The following PTCD2 variants were observed in gnomAD, a reference collection of about 807,000 sequenced individuals.
PTCD2 encodes the protein pentatricopeptide repeat domain 2.
A neutral mutation model predicts 42.6 loss-of-function variants in PTCD2; 31 were observed. That is an observed-to-expected ratio of 0.73 (90% confidence interval 0.55 to 0.98). PTCD2 has a LOEUF of 0.98. Ranked by LOEUF, PTCD2 falls within the 50% of genes least tolerant of loss-of-function variation. PTCD2 has a pLI of 0.00. For synonymous variants in PTCD2, 183 were observed against 170.9 expected (o/e 1.07, Z -0.55); for missense variants, 476 against 454.8 (o/e 1.05, Z -0.42).
chr5:72,352,903 A>G (rs941694083), intron 9 of PTCD2, 149 bp downstream of exon 9: 38 of 549,084 alleles, frequency 6.9e-5, no homozygotes, highest in Non-Finnish European at 2.0e-5. Flanking sequence ...TTCCATGTAT[A>G]TGTGCAAAGA....
In PTCD2 at chr5:72,355,292, A is replaced by G. The variant is rs573550239; in HGVS notation, c.942+2538A>G. 9.2e-5 allele frequency among the ~76,000 whole-genome samples: 14 copies of G among 152,330 alleles called. No individual in the cohort carries two copies. The South Asian group carries it at 1.9e-3, about 20-fold the overall frequency. On this transcript the variant is annotated intron_variant, in intron 9 of 9. Coordinates refer to ENST00000380639, the MANE Select transcript of PTCD2 (RefSeq NM_024754.5). The stretch of plus-strand genomic sequence containing the variant: ...ACCGCAGAAAAAGACACATTGGTAG[A>G]TGATGGATAGTTTTGTTAGCTTGAC...
chr5:72,334,739 C>T (rs935315209), intron 4 of PTCD2, among the ~76,000 whole-genome samples: 11 of 152,012 alleles, frequency 7.2e-5, no homozygotes, highest in African/African-American at 1.9e-4. Context: ...TTAGTAGAGA[C>T]GGGGTTTCAC....
intron 2 of PTCD2, among the ~76,000 whole-genome samples, chr5:72,325,331 A>C (rs894083830): frequency 1.3e-5 from 2 of 152,212 alleles, no homozygotes; most frequent in Non-Finnish European, 2.9e-5. Context: ...AATAGACTAA[A>C]TCCTCTTAGA....
chr5:72,320,667 C>A, intron 1 of PTCD2, 158 bp downstream of exon 1: 1 of 966,300 alleles, frequency 1.0e-6, no homozygotes, highest in Non-Finnish European at 1.5e-6. Flanking sequence ...GCAGTGGTGA[C>A]CACTGGGGGT....
In PTCD2 at chr5:72,363,796, T is replaced by C. The variant is rs549247894; in HGVS notation, c.*5369T>C. ...AAATATATCCATTTATTTTTTCAAA[T>C]ATACATAAAGAAATCCATACAAACT... On this transcript the variant is annotated 3_prime_UTR_variant, in exon 10 of 10. Transcript: ENST00000380639. 1.3e-5 allele frequency: 2 copies of C among 152,344 alleles called. No homozygotes were observed. Among genetic ancestry groups the C allele is most frequent in the South Asian group, 2.1e-4 (1 of 4,830 alleles). The allele number at this position is 152,344 out of a possible 1,614,324, so 9.4% of individuals were successfully genotyped here.
chr5:72,327,472 A>G (rs1057288574), intron 3 of PTCD2, among the ~76,000 whole-genome samples: 3 of 136,084 alleles, frequency 2.2e-5, no homozygotes. Context: ...TTTTTAAACT[A>G]TTTTTTTTTT....
At chr5:72,335,190 C>T (rs1751666153) in intron 5 of PTCD2, 94 bp downstream of exon 5, 1 of 708,354 alleles carries the variant, frequency 1.4e-6, no homozygotes, top group African/African-American at 1.8e-5. Flanking sequence ...AATGATTCTT[C>T]TGTAATCCCA....
At position 72,367,940 on chromosome 5, in the gene PTCD2, C is replaced by T. The variant is rs1448410675; in HGVS notation, c.*9513C>T. On this transcript the variant is annotated 3_prime_UTR_variant, in exon 10 of 10. Transcript: ENST00000380639. The stretch of plus-strand genomic sequence containing the variant: ...TGAACCAATTGAGTGGCTCTGGGCT[C>T]CTATACCCCTTTCATTCCACAGCCT... 1 of 152,176 alleles carries T rather than the reference C, an allele frequency of 6.6e-6. No homozygotes were observed. Among genetic ancestry groups the T allele is most frequent in the Non-Finnish European group, 1.5e-5 (1 of 68,034 alleles). The allele number at this position is 152,176 out of a possible 1,614,324, so 9.4% of individuals were successfully genotyped here. A position where few individuals can be genotyped will look rare whatever the true frequency, so the allele number is the denominator to read the frequency against.
intron 4 of PTCD2, among the ~76,000 whole-genome samples, chr5:72,334,569 T>A (rs1310573136): frequency 6.6e-6 from 1 of 151,828 alleles, no homozygotes; most frequent in Non-Finnish European, 1.5e-5. Flanking sequence ...TTTTTCTTTT[T>A]GAGACGGAGT....
chr5:72,362,966 C>T lies in PTCD2; in HGVS notation c.*4539C>T, dbSNP rs942959143. On this transcript the variant is annotated 3_prime_UTR_variant, in exon 10 of 10. Transcript: ENST00000380639. ...TTGAGGATGATTCAGGAAATAAATA[C>T]AAACTTTTAACTACTCATAATGAAT... 2.0e-5 allele frequency: 3 copies of T among 152,108 alleles called. No homozygotes were observed. Among genetic ancestry groups the T allele is most frequent in the Non-Finnish European group, 2.9e-5 (2 of 68,018 alleles). The allele number at this position is 152,108 out of a possible 1,614,324, so 9.4% of individuals were successfully genotyped here. A position where few individuals can be genotyped will look rare whatever the true frequency, so the allele number is the denominator to read the frequency against.
Position 72,359,972 on chromosome 5 carries a change from AT to A in PTCD2, c.*1546del, listed in dbSNP as rs957982558. 1.3e-5 allele frequency: 2 copies of A among 152,018 alleles called. No individual in the cohort carries two copies. The highest frequency in any genetic ancestry group is 4.8e-5 in the African/African-American group (2 of 41,396). 9.4% of individuals were successfully genotyped at this position (152,018 alleles called of 1,614,324 possible). A position where few individuals can be genotyped will look rare whatever the true frequency, so the allele number is the denominator to read the frequency against. On this transcript the variant is annotated 3_prime_UTR_variant, in exon 10 of 10. Transcript: ENST00000380639. ...CCGACCTCTTAGGCTTGGTGTGAGG[AT>A]GAAATGAGATAGGGAATATAAAGCA...
rs1396682309 is a variant in PTCD2 at position 72,366,772 on chromosome 5, C to T, written c.*8345C>T. On this transcript the variant is annotated 3_prime_UTR_variant, in exon 10 of 10. Coordinates refer to ENST00000380639, the MANE Select transcript of PTCD2 (RefSeq NM_024754.5). ...AAGAGAGAAAGCAGTAAAGTTGATC[C>T]TCTGCAGAAAGTAGACCAATGTAAG... is the stretch of plus-strand genomic sequence containing the variant. 2 of 152,206 alleles carry T rather than the reference C, an allele frequency of 1.3e-5. No homozygotes were observed. The highest frequency in any genetic ancestry group is 4.8e-5 in the African/African-American group (2 of 41,444). The allele number at this position is 152,206 out of a possible 1,614,324, so 9.4% of individuals were successfully genotyped here. A position where few individuals can be genotyped will look rare whatever the true frequency, so the allele number is the denominator to read the frequency against.
Position 72,359,992 on chromosome 5 carries a change from T to G in PTCD2, c.*1565T>G, listed in dbSNP as rs1753054495. On this transcript the variant is annotated 3_prime_UTR_variant, in exon 10 of 10. Transcript: ENST00000380639. ...TGAGGATGAAATGAGATAGGGAATATAAAGCAAGCAGATAGTGGCTGGCAC... is the reference window on the plus strand; with the variant it reads ...TGAGGATGAAATGAGATAGGGAATAGAAAGCAAGCAGATAGTGGCTGGCAC... 6.6e-6 allele frequency: 1 copy of G among 151,888 alleles called. No individual in the cohort carries two copies. The highest frequency in any genetic ancestry group is 6.6e-5 in the Admixed American group (1 of 15,234). The allele number at this position is 151,888 out of a possible 1,614,324, so 9.4% of individuals were successfully genotyped here.
intron 8 of PTCD2, among the ~76,000 whole-genome samples, chr5:72,351,544 A>C (rs1391693224): frequency 6.6e-6 from 1 of 152,212 alleles, no homozygotes; most frequent in Non-Finnish European, 1.5e-5. Context: ...TAAAGGAAAG[A>C]AGTTTAATTG....
chr5:72,352,443 T>C lies in PTCD2; in HGVS notation c.829-198T>C, dbSNP rs1752668346. 5.9e-5 allele frequency among the ~76,000 whole-genome samples: 9 copies of C among 152,288 alleles called. 1 individual carries two copies. The South Asian group carries it at 1.9e-3, about 32-fold the overall frequency. ...TTACAGGCAAAGTTGTAGTTTTTGA[T>C]TAACTATTGGAAAGCACATTTTGGC... On this transcript the variant is annotated intron_variant, in intron 8 of 9. Coordinates refer to ENST00000380639, the MANE Select transcript of PTCD2 (RefSeq NM_024754.5).
intron 1 of PTCD2, 106 bp from the exon 2 acceptor site, chr5:72,322,066 G>A: frequency 1.5e-6 from 1 of 649,786 alleles, no homozygotes; most frequent in Non-Finnish European, 2.8e-6. Flanking sequence ...CCTGTCTAAT[G>A]GATTATCTAT....
intron 5 of PTCD2, 125 bp from the exon 6 acceptor site, chr5:72,335,669 C>A: frequency 1.9e-6 from 1 of 520,660 alleles, no homozygotes; most frequent in Non-Finnish European, 3.4e-6. Context: ...TGCTAAATGA[C>A]TTTGAGGAAT....
Position 72,358,453 on chromosome 5 carries a change from C to G in PTCD2, c.*26C>G, listed in dbSNP as rs150355121. The G allele has an allele frequency of 2.0e-5, 30 of 1,527,668 alleles. No individual in the cohort carries two copies. In the Admixed American group the frequency reaches 5.1e-4, roughly 26 times the overall value. The allele number at this position is 1,527,668 out of a possible 1,614,324, so 94.6% of individuals were successfully genotyped here. ...CCCTGGTTTCAGTCCACCTATGGAT[C>G]TGAGGGGCCTGCTTCTAGTGAGTTA... is the stretch of plus-strand genomic sequence containing the variant. On this transcript the variant is annotated 3_prime_UTR_variant, in exon 10 of 10. Coordinates refer to ENST00000380639, the MANE Select transcript of PTCD2 (RefSeq NM_024754.5).
In PTCD2 at chr5:72,338,618, A is replaced by G; in HGVS notation, c.640-4A>G. On this transcript the variant is annotated splice_polypyrimidine_tract_variant and splice_region_variant and intron_variant, in intron 6 of 9. Transcript: ENST00000380639. ...ATTAATCGAACAATCCTGTCTCCTC[A>G]CAGAATAGCCCTGAGTCTTTCAAAA... is the stretch of plus-strand genomic sequence containing the variant. 4.0e-6 allele frequency: 6 copies of G among 1,512,218 alleles called. No individual in the cohort carries two copies. The highest frequency in any genetic ancestry group is 5.5e-6 in the Non-Finnish European group (6 of 1,094,316). 93.7% of individuals were successfully genotyped at this position (1,512,218 alleles called of 1,614,324 possible).
Sources: allele counts gnomAD v4.1 joint callset (sites outside exome capture counted in the v4.1 genomes callset), GRCh38; gene constraint gnomAD v4.1.1; transcripts MANE v1.5; gene names NCBI Gene and HGNC (gene_info 2026-07-23, HGNC 2026-07-21).